The following MICAL3 variants were observed in gnomAD, a reference collection of about 807,000 sequenced individuals.
MICAL3 encodes [F-actin]-monooxygenase MICAL3.
In MICAL3, 62 loss-of-function variants were observed where a neutral mutation model predicts 207.4. The observed-to-expected ratio is 0.30, with a 90% confidence interval of 0.24 to 0.37. The LOEUF is 0.37. Ranked by LOEUF, MICAL3 falls within the 10% of genes least tolerant of loss-of-function variation. The pLI, the probability that MICAL3 is intolerant of heterozygous loss-of-function variation, is 1.00. For missense variants in MICAL3, 2,368 were observed against 2,635.6 expected, an observed-to-expected ratio of 0.90 and a Z score of 2.22; for synonymous variants, 1,077 against 1,069.3, an observed-to-expected ratio of 1.01 and a Z score of -0.14.
At chr22:17,953,930 C>CAAA (rs59740388) in intron 1 of MICAL3, among the ~76,000 whole-genome samples, 25 of 86,514 alleles carry the variant, frequency 2.9e-4, no homozygotes, top group African/African-American at 5.3e-4. Flanking sequence ...GACTCCATCT[C>CAAA]AAAAAAAAAA....
At chr22:17,856,066 C>T (rs1925851786) in intron 19 of MICAL3, among the ~76,000 whole-genome samples, 1 of 152,246 alleles carries the variant, frequency 6.6e-6, no homozygotes, top group Non-Finnish European at 1.5e-5. Flanking sequence ...CCAAGGTCAG[C>T]TACACAAAGC....
At chr22:17,952,298 C>T (rs180822215) in intron 1 of MICAL3, among the ~76,000 whole-genome samples, 13 of 152,286 alleles carry the variant, frequency 8.5e-5, no homozygotes, top group Admixed American at 3.3e-4. Context: ...CCACTCTCCT[C>T]GCCAGACCCC....
At chr22:17,915,483 C>A (rs1232051369) in intron 1 of MICAL3, among the ~76,000 whole-genome samples, 1 of 152,204 alleles carries the variant, frequency 6.6e-6, no homozygotes, top group Non-Finnish European at 1.5e-5. Flanking sequence ...AAGGTCCTAC[C>A]AAGGCACTCG....
intron 19 of MICAL3, among the ~76,000 whole-genome samples, chr22:17,851,041 G>T (rs1464756681): frequency 6.6e-6 from 1 of 152,182 alleles, no homozygotes; most frequent in Non-Finnish European, 1.5e-5. Context: ...ATTCAGCTGG[G>T]TCTCCTCTTA....
rs376368753 is a variant in MICAL3, at chr22:17,934,301, A to G, written c.-74-27415T>C. Among the ~76,000 whole-genome samples, 10 of 152,376 alleles carry G rather than the reference A, an allele frequency of 6.6e-5. No homozygotes were observed. In the East Asian group the frequency reaches 1.5e-3, roughly 23 times the overall value. On this transcript the variant is annotated intron_variant, in intron 1 of 31. Coordinates refer to ENST00000441493, the MANE Select transcript of MICAL3 (RefSeq NM_015241.3). ...ATTCCTAGGATGCAAGGCTGGTTCA[A>G]CATATGCAAATCAATAAACGTAATC...
At position 17,821,500 on chromosome 22, in the gene MICAL3, T is replaced by C; in HGVS notation, c.3458A>G (p.Gln1153Arg). Residue 1153 changes from glutamine (Q) to arginine (R), a missense_variant, in exon 25 of 32, where the codon CAA becomes CGA. Coordinates refer to ENST00000441493, the MANE Select transcript of MICAL3 (RefSeq NM_015241.3). ...GGGAGACCGGATGGGGCTGGTGGCTTGGGAGGGACCTGAAAAGAATGAACA... is the reference window on the plus strand; with the variant it reads ...GGGAGACCGGATGGGGCTGGTGGCTCGGGAGGGACCTGAAAAGAATGAACA... Reference protein sequence around the residue: ...SPKHQERGPSQATSPIRSPQE... With the variant: ...SPKHQERGPSRATSPIRSPQE... The C allele has an allele frequency of 6.5e-7, 1 of 1,539,348 alleles. No individual in the cohort carries two copies.
chr22:17,961,242 T>C lies in MICAL3; in HGVS notation c.-74-54356A>G, dbSNP rs529209686. On this transcript the variant is annotated intron_variant, in intron 1 of 31. Transcript: ENST00000441493. Reference sequence around the variant, plus strand: ...CTGCTAATGGCTAAAACATGAGGTGTGAGAACCAGAAAGAAATGCAAAGAT... The same window carrying C: ...CTGCTAATGGCTAAAACATGAGGTGCGAGAACCAGAAAGAAATGCAAAGAT... 8.3e-4 allele frequency among the ~76,000 whole-genome samples: 126 copies of C among 152,198 alleles called. No homozygotes were observed. The Middle Eastern group carries it at 0.017, about 21-fold the overall frequency.
chr22:17,820,448 G>A (rs920246768), intron 25 of MICAL3, among the ~76,000 whole-genome samples: 8 of 152,122 alleles, frequency 5.3e-5, no homozygotes, highest in Non-Finnish European at 1.2e-4. Flanking sequence ...TCCGCCTTCC[G>A]GGTTCATGCC....
intron 27 of MICAL3, chr22:17,814,473 T>A (rs2062081284): frequency 6.6e-6 from 1 of 152,242 alleles, no homozygotes; most frequent in South Asian, 2.1e-4. Flanking sequence ...GCAAGGAACT[T>A]AACAATTTGA....
At chr22:17,928,888 G>C (rs1336158432) in intron 1 of MICAL3, among the ~76,000 whole-genome samples, 1 of 152,074 alleles carries the variant, frequency 6.6e-6, no homozygotes, top group Non-Finnish European at 1.5e-5. Flanking sequence ...TCCACCTCCC[G>C]GGTTCACGCC....
intron 1 of MICAL3, among the ~76,000 whole-genome samples, chr22:17,995,861 A>G (rs1032571279): frequency 9.9e-5 from 15 of 151,866 alleles, no homozygotes; most frequent in African/African-American, 3.4e-4. Context: ...GAACTCACCA[A>G]TGAGAAAAAG....
At chr22:17,819,705 C>T (rs1921336678) in intron 25 of MICAL3, among the ~76,000 whole-genome samples, 1 of 151,158 alleles carries the variant, frequency 6.6e-6, no homozygotes, top group African/African-American at 2.4e-5. Context: ...TTTGGGAGGA[C>T]GAAGTGGGCA....
intron 1 of MICAL3, among the ~76,000 whole-genome samples, chr22:17,985,117 G>A (rs563443266): frequency 1.3e-5 from 2 of 152,366 alleles, no homozygotes; most frequent in Admixed American, 6.5e-5. Context: ...CAAGAGTTGA[G>A]GGAGTCTGCA....
At chr22:18,008,105 G>A (rs951452308) in intron 1 of MICAL3, among the ~76,000 whole-genome samples, 3 of 151,494 alleles carry the variant, frequency 2.0e-5, no homozygotes, top group African/African-American at 7.3e-5. Flanking sequence ...CTGGCATGGT[G>A]GCAGCCTGCC....
intron 1 of MICAL3, among the ~76,000 whole-genome samples, chr22:17,991,328 A>C (rs1298008114): frequency 6.6e-6 from 1 of 152,280 alleles, no homozygotes; most frequent in African/African-American, 2.4e-5. Context: ...GTGGGATATC[A>C]GACTGCCTAA....
At chr22:17,807,058 G>A (rs2061996185) in intron 29 of MICAL3, among the ~76,000 whole-genome samples, 1 of 152,206 alleles carries the variant, frequency 6.6e-6, no homozygotes, top group Non-Finnish European at 1.5e-5. Context: ...GCAGGGAGCT[G>A]TCTTCTTCCT....
chr22:17,918,238 G>A (rs530584324), intron 1 of MICAL3, among the ~76,000 whole-genome samples: 3 of 151,990 alleles, frequency 2.0e-5, no homozygotes, highest in African/African-American at 7.3e-5. Context: ...CTACGATCAT[G>A]CCACTGCACT....
intron 12 of MICAL3, among the ~76,000 whole-genome samples, chr22:17,890,823 C>T (rs1336354881): frequency 1.3e-5 from 2 of 152,142 alleles, no homozygotes; most frequent in Non-Finnish European, 2.9e-5. Flanking sequence ...TAACAAATGC[C>T]GATGGGGGAA....
At chr22:17,809,153 C>T (rs1231833442) in intron 28 of MICAL3, among the ~76,000 whole-genome samples, 1 of 152,238 alleles carries the variant, frequency 6.6e-6, no homozygotes, top group African/African-American at 2.4e-5. Flanking sequence ...TAGTTAGCAT[C>T]AAAGCGCGTG....
Sources: gnomAD v4.1 joint callset for allele counts (sites outside exome capture counted in the v4.1 genomes callset) on GRCh38, gnomAD v4.1.1 for gene constraint, MANE v1.5 for transcripts, NCBI Gene and HGNC (gene_info 2026-07-23, HGNC 2026-07-21) for gene names.